Variants in CACNA1A observed in about 807,000 individuals in gnomAD.
CACNA1A encodes the protein calcium voltage-gated channel subunit alpha1 A.
A neutral mutation model predicts 262.4 loss-of-function variants in CACNA1A; 57 were observed. The ratio of observed to expected loss-of-function variants is 0.22; its 90% CI spans 0.18 to 0.27. CACNA1A has a LOEUF of 0.27. CACNA1A is among the 10% of genes least tolerant of loss of function. CACNA1A has a pLI of 1.00. For missense variants in CACNA1A, 2,526 were observed against 3,562.8 expected, an observed-to-expected ratio of 0.71 and a Z score of 7.41; for synonymous variants, 1,431 against 1,419.3, an observed-to-expected ratio of 1.01 and a Z score of -0.18.
chr19:13,307,345 G>C (rs1025335373), intron 15 of CACNA1A: 3 of 155,024 alleles, frequency 1.9e-5, no homozygotes, highest in African/African-American at 7.2e-5. Context: ...AGCAATTCTT[G>C]TGCCTCATCT....
chr19:13,300,617 C>T lies in CACNA1A; in HGVS notation c.2212G>A (p.Ala738Thr). Reference sequence around the variant, plus strand: ...GCCACCTCCTTGGCTTTCTGTAGGGCAAGTTTCTGGTTCGCTGCTTCTTCT... The same window carrying T: ...GCCACCTCCTTGGCTTTCTGTAGGGTAAGTTTCTGGTTCGCTGCTTCTTCT... ...EEEEAANQKLALQKAKEVAEV... is the reference protein window; with the variant it reads ...EEEEAANQKLTLQKAKEVAEV... Residue 738 changes from alanine to threonine, a missense_variant, in exon 18 of 47, where the codon GCC (alanine) becomes ACC (threonine). Physicochemically the swap from Ala to Thr is moderately conservative, Grantham distance 58. Around this residue, in one of 17 missense-constraint regions of CACNA1A, gnomAD observed 16 missense variants for 30.1 expected, o/e 0.53. Coordinates refer to ENST00000360228, the MANE Select transcript of CACNA1A (RefSeq NM_001127222.2). The T allele has an allele frequency of 6.2e-7, 1 of 1,613,950 alleles. No homozygotes were observed. The highest frequency in any genetic ancestry group is 8.5e-7 in the Non-Finnish European group (1 of 1,179,872).
intron 15 of CACNA1A, among the ~76,000 whole-genome samples, 183 bp from the exon 16 acceptor site, chr19:13,304,067 G>C (rs1174685405): frequency 6.6e-6 from 1 of 152,050 alleles, no homozygotes; most frequent in East Asian, 1.9e-4. Context: ...CTTTGTTTGC[G>C]AGTAGAAAGG....
Position 13,378,800 on chromosome 19 carries a change from T to C in CACNA1A, c.540-7021A>G, listed in dbSNP as rs1183214569. ...CTCGTGCCTCAGCCTCCCGAGTAGC[T>C]GGGCTTATAGGTGTGCACCACCACA... is the stretch of plus-strand genomic sequence containing the variant. On this transcript the variant is annotated intron_variant, in intron 3 of 46. Coordinates refer to ENST00000360228, the MANE Select transcript of CACNA1A (RefSeq NM_001127222.2). 2.0e-5 allele frequency among the ~76,000 whole-genome samples: 3 copies of C among 151,844 alleles called. No individual in the cohort carries two copies. In the East Asian group the frequency reaches 5.8e-4, roughly 29 times the overall value.
intron 15 of CACNA1A, among the ~76,000 whole-genome samples, chr19:13,306,948 T>C (rs144667761): frequency 1.2e-4 from 19 of 152,190 alleles, no homozygotes; most frequent in African/African-American, 4.1e-4. Context: ...TCTCTGAGGA[T>C]CTGTGAGTAT....
chr19:13,429,119 A>G (rs1044233071), intron 3 of CACNA1A, among the ~76,000 whole-genome samples: 2 of 149,368 alleles, frequency 1.3e-5, no homozygotes, highest in African/African-American at 5.0e-5. Context: ...TCTTTGCCCA[A>G]GCTGATTTAT....
intron 1 of CACNA1A, among the ~76,000 whole-genome samples, chr19:13,459,644 C>T (rs556867128): frequency 2.6e-5 from 4 of 152,200 alleles, no homozygotes; most frequent in East Asian, 1.9e-4. Context: ...AGAGCAGCAA[C>T]GCCAAGCCCT....
rs746902081 is a variant in CACNA1A at position 13,505,971 on chromosome 19, T to C, written c.254A>G (p.Asn85Ser). 3 of 1,613,834 alleles carry C rather than the reference T, an allele frequency of 1.9e-6. No individual in the cohort carries two copies. Among genetic ancestry groups the C allele is most frequent in the African/African-American group, 1.3e-5 (1 of 75,042 alleles). ...CTTTTTGGCGTATTTTCTCACCACG[T>C]TGTCTTCGCTGAAGAGGAAGAGAGA... ...NRSLFLFSED[N>S]VVRKYAKKIT... The change falls in exon 1 of 47, where the codon AAC becomes AGC. Residue 85 changes from asparagine to serine, a missense_variant. Coordinates refer to ENST00000360228, the MANE Select transcript of CACNA1A (RefSeq NM_001127222.2).
rs1226630023 is a variant in CACNA1A, at chr19:13,308,296, C to A, written c.1782-45G>T. 4 of 1,590,788 alleles carry A rather than the reference C, an allele frequency of 2.5e-6. No homozygotes were observed. The highest frequency in any genetic ancestry group is 3.4e-6 in the Non-Finnish European group (4 of 1,166,748). On this transcript the variant is annotated intron_variant, in intron 13 of 46. Coordinates refer to ENST00000360228, the MANE Select transcript of CACNA1A (RefSeq NM_001127222.2). This position sits in a 1 kb window ranked among gnomAD's most constrained non-coding sequence, Gnocchi z 4.2. ...GAGGACTCAGGCCAGGCGGGGGAGG[C>A]AGGGCCCCGGAGTCAGCCCTCGAAA... is the stretch of plus-strand genomic sequence containing the variant.
intron 6 of CACNA1A, among the ~76,000 whole-genome samples, chr19:13,337,129 C>T (rs1325033648): frequency 6.6e-6 from 1 of 152,212 alleles, no homozygotes; most frequent in Non-Finnish European, 1.5e-5. Flanking sequence ...CATAATCTGC[C>T]AATGGGAGGG....
chr19:13,467,139 G>C (rs2061260217), intron 1 of CACNA1A, among the ~76,000 whole-genome samples: 2 of 152,216 alleles, frequency 1.3e-5, no homozygotes, highest in East Asian at 1.9e-4. Flanking sequence ...CCAGTACAAA[G>C]AATGTGTGTG....
intron 3 of CACNA1A, among the ~76,000 whole-genome samples, chr19:13,423,879 G>A (rs2060356751): frequency 6.6e-6 from 1 of 152,134 alleles, no homozygotes; most frequent in African/African-American, 2.4e-5. Context: ...GAGCTACTCT[G>A]AGAGATAAAT....
At position 13,317,105 on chromosome 19, in the gene CACNA1A, T is replaced by C. The variant is rs2058143415; in HGVS notation, c.1555+7A>G. On this transcript the variant is annotated splice_region_variant and intron_variant, in intron 11 of 46. Coordinates refer to ENST00000360228, the MANE Select transcript of CACNA1A (RefSeq NM_001127222.2). ...AGTTGGCAGGGGTGGGGCTGGGTGATACTCACAAAGGAAGTCGGAGAGCCA... is the reference window on the plus strand; with the variant it reads ...AGTTGGCAGGGGTGGGGCTGGGTGACACTCACAAAGGAAGTCGGAGAGCCA... 6.3e-7 allele frequency: 1 copy of C among 1,594,948 alleles called. No individual in the cohort carries two copies.
intron 3 of CACNA1A, among the ~76,000 whole-genome samples, chr19:13,375,030 A>G (rs2059381647): frequency 6.6e-6 from 1 of 152,152 alleles, no homozygotes; most frequent in African/African-American, 2.4e-5. Flanking sequence ...TGTGTTTCTT[A>G]CAAATTGAAG....
At chr19:13,500,347 G>A (rs1036098425) in intron 1 of CACNA1A, among the ~76,000 whole-genome samples, 6 of 152,118 alleles carry the variant, frequency 3.9e-5, no homozygotes, top group Non-Finnish European at 7.4e-5. Context: ...TTTTCCTGGG[G>A]AATGGTAGAA....
In CACNA1A at chr19:13,207,496, G is replaced by A. The variant is rs1397542332; in HGVS notation, c.7338C>T (p.Gly2446=). The A allele has an allele frequency of 6.3e-6, 9 of 1,421,780 alleles. No individual in the cohort carries two copies. The highest frequency in any genetic ancestry group is 6.1e-5 in the African/African-American group (4 of 65,320). The allele number at this position is 1,421,780 out of a possible 1,614,324, so 88.1% of individuals were successfully genotyped here. Reference sequence around the variant, plus strand: ...GAGTCCTGGGCGAGCGCCCGGTGGCGCCCGAGGACGCGTGTCGTACGGGGG... The same window carrying A: ...GAGTCCTGGGCGAGCGCCCGGTGGCACCCGAGGACGCGTGTCGTACGGGGG... ...APPPVRHASS[G]ATGRSPRTPR... Residue 2446 remains glycine (G), a synonymous_variant, in exon 47 of 47, where the codon GGC becomes GGT. Coordinates refer to ENST00000360228, the MANE Select transcript of CACNA1A (RefSeq NM_001127222.2). The surrounding 1 kb of genome is among the most constrained non-coding windows in gnomAD (Gnocchi z 5.7).
chr19:13,394,998 T>C (rs1373105949), intron 3 of CACNA1A, among the ~76,000 whole-genome samples: 3 of 152,160 alleles, frequency 2.0e-5, no homozygotes, highest in Non-Finnish European at 2.9e-5. Flanking sequence ...CCAGCTGTGG[T>C]AGCTCATGCT....
chr19:13,311,265 A>AT (rs745794936), intron 12 of CACNA1A, among the ~76,000 whole-genome samples: 2 of 151,908 alleles, frequency 1.3e-5, no homozygotes, highest in Non-Finnish European at 2.9e-5. Context: ...AATTATTATT[A>AT]ATTTTTGTAG....
At chr19:13,228,912 G>A (rs2055570094) in intron 36 of CACNA1A, 1 of 536,698 alleles carries the variant, frequency 1.9e-6, no homozygotes, top group Non-Finnish European at 3.4e-6. Flanking sequence ...GAGTGGGAGA[G>A]ACTGGGGACA....
chr19:13,270,311 T>C (rs749165676), intron 24 of CACNA1A, among the ~76,000 whole-genome samples: 2 of 150,862 alleles, frequency 1.3e-5, no homozygotes, highest in African/African-American at 2.4e-5. Context: ...AATCTAATAC[T>C]TGTGGGGCTC....
Sources: allele counts gnomAD v4.1 joint callset (sites outside exome capture counted in the v4.1 genomes callset), GRCh38; gene constraint gnomAD v4.1.1; regional missense constraint gnomAD v4.1.1; non-coding constraint Gnocchi (gnomAD v3.1); transcripts MANE v1.5; gene names NCBI Gene and HGNC (gene_info 2026-07-23, HGNC 2026-07-21).